Variants in MDFIC2 observed in about 807,000 individuals in gnomAD.
MDFIC2 encodes the protein myoD family inhibitor domain-containing protein 2.
intron 2 of MDFIC2, among the ~76,000 whole-genome samples, chr3:70,258,696 A>G (rs1701840063): frequency 6.6e-6 from 1 of 152,176 alleles, no homozygotes; most frequent in Non-Finnish European, 1.5e-5. Flanking sequence ...TTTATGTATA[A>G]GAATGTGAAT....
intron 2 of MDFIC2, among the ~76,000 whole-genome samples, chr3:70,296,400 G>C (rs112027470): frequency 1.3e-4 from 20 of 151,878 alleles, no homozygotes; most frequent in African/African-American, 4.4e-4. Flanking sequence ...CCAGAAAATG[G>C]ACCTAATTTT....
chr3:70,231,380 GC>G (rs1701558855), intron 2 of MDFIC2, among the ~76,000 whole-genome samples: 1 of 152,206 alleles, frequency 6.6e-6, no homozygotes, highest in African/African-American at 2.4e-5. Flanking sequence ...ACGCAAACTT[GC>G]GTTTTTTCTC....
intron 2 of MDFIC2, among the ~76,000 whole-genome samples, chr3:70,293,386 G>T (rs1459342786): frequency 1.3e-5 from 2 of 152,232 alleles, no homozygotes; most frequent in Admixed American, 1.3e-4. Context: ...TAACTAATTT[G>T]GGGATGAGAG....
At chr3:70,285,102 A>G (rs1702130168) in intron 2 of MDFIC2, among the ~76,000 whole-genome samples, 1 of 149,842 alleles carries the variant, frequency 6.7e-6, no homozygotes, top group South Asian at 2.1e-4. Flanking sequence ...ACATGTGCAC[A>G]TTGTGCAGGT....
Position 70,297,801 on chromosome 3 carries a change from G to A in MDFIC2, c.88+14085C>T, listed in dbSNP as rs369484094. On this transcript the variant is annotated intron_variant, in intron 2 of 3. Transcript: ENST00000567252. ...CTAAAGAAAAAGCTTAAACTAAAAA[G>A]TGTTATTATCATAAACTCACAGGCT... 2.0e-5 allele frequency among the ~76,000 whole-genome samples: 3 copies of A among 151,996 alleles called. No homozygotes were observed. The East Asian group carries it at 5.8e-4, about 29-fold the overall frequency.
chr3:70,290,204 G>C (rs987596303), intron 2 of MDFIC2, among the ~76,000 whole-genome samples: 10 of 152,100 alleles, frequency 6.6e-5, no homozygotes, highest in African/African-American at 2.4e-4. Context: ...TCTACTTTTG[G>C]TCTTTGATGA....
chr3:70,242,078 A>T (rs1471420509), intron 2 of MDFIC2, among the ~76,000 whole-genome samples: 4 of 152,216 alleles, frequency 2.6e-5, no homozygotes, highest in Non-Finnish European at 5.9e-5. Context: ...TCGTAAGGGT[A>T]AGGGCCAATG....
At chr3:70,293,082 A>G (rs1702254993) in intron 2 of MDFIC2, among the ~76,000 whole-genome samples, 1 of 145,080 alleles carries the variant, frequency 6.9e-6, no homozygotes, top group South Asian at 2.2e-4. Context: ...GTAGCATATT[A>G]CATGACGAGA....
intron 2 of MDFIC2, among the ~76,000 whole-genome samples, chr3:70,303,758 T>C (rs1472563162): frequency 1.3e-5 from 2 of 152,184 alleles, no homozygotes; most frequent in Non-Finnish European, 2.9e-5. Flanking sequence ...CCTGGCTCAC[T>C]GCAACCTCCG....
At chr3:70,231,592 G>A (rs903251338) in intron 2 of MDFIC2, among the ~76,000 whole-genome samples, 68 of 152,274 alleles carry the variant, frequency 4.5e-4, no homozygotes, top group Middle Eastern at 3.4e-3. Context: ...TGGAGAACAG[G>A]CTGGGGTGTC....
chr3:70,229,840 TG>T (rs1440186246), intron 2 of MDFIC2, among the ~76,000 whole-genome samples: 1 of 152,198 alleles, frequency 6.6e-6, no homozygotes, highest in Non-Finnish European at 1.5e-5. Flanking sequence ...GGTCAATATT[TG>T]AAACAGCTAC....
intron 2 of MDFIC2, among the ~76,000 whole-genome samples, chr3:70,278,986 C>A (rs1702055099): frequency 6.6e-6 from 1 of 151,278 alleles, no homozygotes; most frequent in Non-Finnish European, 1.5e-5. Flanking sequence ...AGTGAAGTGG[C>A]TCTGAGAAAA....
intron 2 of MDFIC2, among the ~76,000 whole-genome samples, chr3:70,212,484 A>G (rs1359939364): frequency 2.0e-5 from 3 of 151,922 alleles, no homozygotes; most frequent in Non-Finnish European, 4.4e-5. Context: ...CCTCCATCCA[A>G]TCATTTACAA....
chr3:70,276,049 AG>A (rs1702022245), intron 2 of MDFIC2, among the ~76,000 whole-genome samples: 1 of 152,160 alleles, frequency 6.6e-6, no homozygotes, highest in Non-Finnish European at 1.5e-5. Flanking sequence ...TTTAAAAAAA[AG>A]TATATATACT....
intron 2 of MDFIC2, among the ~76,000 whole-genome samples, chr3:70,257,921 A>G (rs72943338): frequency 0.038 from 5,783 of 152,284 alleles, 341 homozygotes; most frequent in African/African-American, 0.13. Context: ...TATTGGTGTA[A>G]GGATAGACAT....
At chr3:70,218,010 G>T (rs1042308125) in intron 2 of MDFIC2, among the ~76,000 whole-genome samples, 4 of 152,150 alleles carry the variant, frequency 2.6e-5, no homozygotes, top group African/African-American at 9.7e-5. Flanking sequence ...CAGGAGCGAG[G>T]GAACAGAGGA....
At chr3:70,243,049 C>A (rs1701677067) in intron 2 of MDFIC2, among the ~76,000 whole-genome samples, 1 of 152,104 alleles carries the variant, frequency 6.6e-6, no homozygotes, top group African/African-American at 2.4e-5. Flanking sequence ...TCTGGTTATT[C>A]TTTTTAGGAG....
At chr3:70,240,269 C>T (rs1701653993) in intron 2 of MDFIC2, among the ~76,000 whole-genome samples, 1 of 151,726 alleles carries the variant, frequency 6.6e-6, no homozygotes. Context: ...ATCAGCTTTT[C>T]CTATATTATC....
intron 3 of MDFIC2, 77 bp from the exon 4 acceptor site, chr3:70,197,262 C>A: frequency 5.0e-6 from 2 of 397,690 alleles, no homozygotes; most frequent in Non-Finnish European, 8.9e-6. Context: ...TGCTGGGATA[C>A]TTGATAACTT....
Sources: gnomAD v4.1 joint callset for allele counts (sites outside exome capture counted in the v4.1 genomes callset) on GRCh38, gnomAD v4.1.1 for gene constraint, MANE v1.5 for transcripts, NCBI Gene and HGNC (gene_info 2026-07-23, HGNC 2026-07-21) for gene names.